Variants in AXIN1 observed in about 807,000 individuals in gnomAD.
AXIN1 encodes the protein axin-1.
AXIN1 carries 30 observed loss-of-function variants against 76.4 expected under a neutral mutation model. The ratio of observed to expected loss-of-function variants is 0.39; its 90% CI spans 0.29 to 0.53. The LOEUF (loss-of-function observed/expected upper bound fraction) is 0.53. AXIN1 is among the 20% of genes least tolerant of loss of function. The pLI is 0.66. For missense variants in AXIN1, 1,140 were observed against 1,198.8 expected (o/e 0.95, Z 0.72); for synonymous variants, 545 against 501.4 (o/e 1.09, Z -1.16).
chr16:341,081 C>G (rs1255396082), intron 2 of AXIN1, among the ~76,000 whole-genome samples: 1 of 152,260 alleles, frequency 6.6e-6, no homozygotes. Context: ...AATTCCACCC[C>G]GGTGAGAGGT....
intron 4 of AXIN1, among the ~76,000 whole-genome samples, chr16:309,105 C>T (rs760654244): frequency 1.3e-5 from 2 of 151,942 alleles, no homozygotes; most frequent in African/African-American, 2.4e-5. Flanking sequence ...CTGAAACGGG[C>T]GGATCACGAG....
intron 4 of AXIN1, among the ~76,000 whole-genome samples, chr16:307,881 T>C (rs553767466): frequency 1.3e-3 from 195 of 152,310 alleles, no homozygotes; most frequent in African/African-American, 4.4e-3. Context: ...CGGGTCCAGT[T>C]TCCCAGTAGC....
At chr16:323,017 C>T (rs1224092052) in intron 2 of AXIN1, among the ~76,000 whole-genome samples, 1 of 152,144 alleles carries the variant, frequency 6.6e-6, no homozygotes, top group African/African-American at 2.4e-5. Flanking sequence ...GAGAGCCAAG[C>T]GTGGCTCAGG....
chr16:307,279 C>T (rs1597026141), intron 4 of AXIN1, among the ~76,000 whole-genome samples: 1 of 152,218 alleles, frequency 6.6e-6, no homozygotes, highest in East Asian at 1.9e-4. Context: ...TCCAGGTGGC[C>T]TTGCAGGCTG....
At position 287,584 on chromosome 16, in the gene AXIN1, C is replaced by A; in HGVS notation, c.*538G>T. ...AAATGTACATATTTACACGGGCCCT[C>A]AGAAAGGAGGACCCAGGACTGCACA... On this transcript the variant is annotated 3_prime_UTR_variant, in exon 11 of 11. Transcript: ENST00000262320. 1 of 308,710 alleles carries A rather than the reference C, an allele frequency of 3.2e-6. No homozygotes were observed. The highest frequency in any genetic ancestry group is 6.0e-6 in the Non-Finnish European group (1 of 165,360). The allele number at this position is 308,710 out of a possible 1,614,324, so 19.1% of individuals were successfully genotyped here.
rs571272339 is a variant in AXIN1 at position 306,966 on chromosome 16, G to A, written c.1117-2525C>T. 2.2e-4 allele frequency among the ~76,000 whole-genome samples: 34 copies of A among 152,326 alleles called. No individual in the cohort carries two copies. In the South Asian group the frequency reaches 4.8e-3, roughly 21 times the overall value. On this transcript the variant is annotated intron_variant, in intron 4 of 10. Coordinates refer to ENST00000262320, the MANE Select transcript of AXIN1 (RefSeq NM_003502.4). ...AGGAACTAACAAGCCACCCTTTCCC[G>A]CTGCACCCGGGGCCTGGAGGCTGGG... is the stretch of plus-strand genomic sequence containing the variant.
chr16:341,925 G>T (rs530664478), intron 2 of AXIN1, among the ~76,000 whole-genome samples: 6 of 152,216 alleles, frequency 3.9e-5, no homozygotes, highest in Non-Finnish European at 8.8e-5. Flanking sequence ...AGCTAATCTG[G>T]TGAGGATGTG....
At position 342,067 on chromosome 16, in the gene AXIN1, C is replaced by A. The variant is rs140229627; in HGVS notation, c.878+4081G>T. Among the ~76,000 whole-genome samples the A allele has an allele frequency of 4.6e-5, 7 of 151,900 alleles. No individual in the cohort carries two copies. In the East Asian group the frequency reaches 1.2e-3, roughly 25 times the overall value. On this transcript the variant is annotated intron_variant, in intron 2 of 10. Coordinates refer to ENST00000262320, the MANE Select transcript of AXIN1 (RefSeq NM_003502.4). ...AGAGAATAAAAGCTGGCTGCGGGAG[C>A]CAGCAGTGGTAACTCGCTCGGGTCC...
intron 2 of AXIN1, among the ~76,000 whole-genome samples, chr16:320,865 G>A (rs867729525): frequency 3.3e-4 from 44 of 132,516 alleles, no homozygotes; most frequent in Middle Eastern, 3.9e-3. Flanking sequence ...TCAGCCTCCC[G>A]AGTAGCTGGG....
At chr16:324,851 G>A (rs1034372053) in intron 2 of AXIN1, among the ~76,000 whole-genome samples, 1 of 152,178 alleles carries the variant, frequency 6.6e-6, no homozygotes, top group Non-Finnish European at 1.5e-5. Flanking sequence ...CCCAGCCCCC[G>A]AGTCCCGCGC....
At chr16:294,417 T>C (rs1172703598) in intron 7 of AXIN1, among the ~76,000 whole-genome samples, 1 of 135,472 alleles carries the variant, frequency 7.4e-6, no homozygotes, top group Non-Finnish European at 1.5e-5. Context: ...GAGCTGAGAT[T>C]GCACCACTGC....
At chr16:327,102 A>G (rs1403167565) in intron 2 of AXIN1, among the ~76,000 whole-genome samples, 1 of 151,668 alleles carries the variant, frequency 6.6e-6, no homozygotes, top group East Asian at 1.9e-4. Flanking sequence ...AGATCGCACC[A>G]TTGCACTCCA....
intron 2 of AXIN1, among the ~76,000 whole-genome samples, chr16:329,789 ATTTTT>A (rs773869039): frequency 1.5e-5 from 2 of 131,230 alleles, no homozygotes; most frequent in Non-Finnish European, 3.3e-5. Flanking sequence ...TTGCCCGGCT[ATTTTT>A]TTTTTTTTTT....
Position 324,376 on chromosome 16 carries a change from G to T in AXIN1, c.879-9693C>A, listed in dbSNP as rs1240103253. ...TGCGGGTGCATAGAAACGGCTGGAAGCAGCGCAGGGCAGAAGCGATATGGA... is the reference window on the plus strand; with the variant it reads ...TGCGGGTGCATAGAAACGGCTGGAATCAGCGCAGGGCAGAAGCGATATGGA... On this transcript the variant is annotated intron_variant, in intron 2 of 10. Transcript: ENST00000262320. Among the ~76,000 whole-genome samples the T allele has an allele frequency of 3.3e-5, 5 of 152,220 alleles. 1 individual carries two copies. The highest frequency in any genetic ancestry group is 2.9e-5 in the Non-Finnish European group (2 of 68,030).
chr16:331,958 C>CT (rs1165210830), intron 2 of AXIN1, among the ~76,000 whole-genome samples: 2 of 152,174 alleles, frequency 1.3e-5, no homozygotes, highest in African/African-American at 2.4e-5. Flanking sequence ...ACCACGGTGA[C>CT]TAAGGGCCCG....
chr16:327,621 G>C (rs1456440932), intron 2 of AXIN1, among the ~76,000 whole-genome samples: 2 of 152,226 alleles, frequency 1.3e-5, no homozygotes, highest in Non-Finnish European at 2.9e-5. Flanking sequence ...CACAGGCGGG[G>C]CAGCCCTGGC....
Position 289,613 on chromosome 16 carries a change from G to C in AXIN1, c.2295-6C>G. The C allele has an allele frequency of 6.2e-7, 1 of 1,612,622 alleles. No individual in the cohort carries two copies. The highest frequency in any genetic ancestry group is 8.5e-7 in the Non-Finnish European group (1 of 1,179,874). On this transcript the variant is annotated splice_region_variant and splice_polypyrimidine_tract_variant and intron_variant, in intron 9 of 10. Transcript: ENST00000262320. The stretch of plus-strand genomic sequence containing the variant: ...CCTTCCTCTGCGATCTTGTCCTGGG[G>C]AAAGAGATGCAGCGGTGGTACCTGG...
intron 2 of AXIN1, among the ~76,000 whole-genome samples, chr16:320,671 A>ATGTATATATGTG (rs1280472394): frequency 2.5e-4 from 38 of 150,186 alleles, no homozygotes; most frequent in Admixed American, 6.0e-4. Flanking sequence ...ATATATGTAA[A>ATGTATATATGTG]TGTATATATG....
At chr16:302,337 G>A (rs1171908391) in intron 5 of AXIN1, among the ~76,000 whole-genome samples, 1 of 152,256 alleles carries the variant, frequency 6.6e-6, no homozygotes, top group Non-Finnish European at 1.5e-5. Flanking sequence ...CTACCCAGAT[G>A]AGGGTCACCC....
Sources: gnomAD v4.1 joint callset for allele counts (sites outside exome capture counted in the v4.1 genomes callset) on GRCh38, gnomAD v4.1.1 for gene constraint, MANE v1.5 for transcripts, NCBI Gene and HGNC (gene_info 2026-07-23, HGNC 2026-07-21) for gene names.